Variants in ABL1 observed in about 807,000 individuals in gnomAD.
ABL1 encodes tyrosine-protein kinase ABL1.
A neutral mutation model predicts 94.7 loss-of-function variants in ABL1; 11 were observed. The ratio of observed to expected loss-of-function variants is 0.12; its 90% confidence interval spans 0.07 to 0.19. The LOEUF (loss-of-function observed/expected upper bound fraction) is 0.19. Among genes scored for constraint, ABL1 ranks in the 10% least tolerant of loss-of-function variants. ABL1 has a pLI of 1.00. For missense variants in ABL1, 1,082 were observed against 1,489.4 expected (o/e 0.73, Z 4.50); for synonymous variants, 656 against 622.4 (o/e 1.05, Z -0.80).
rs112010850 is a variant in ABL1, at chr9:130,840,191, T to C, written c.79+4666T>C. 8.3e-4 allele frequency among the ~76,000 whole-genome samples: 127 copies of C among 152,372 alleles called. 1 individual carries two copies. The highest frequency in any genetic ancestry group is 2.7e-3 in the African/African-American group (114 of 41,594). On this transcript the variant is annotated intron_variant, in intron 1 of 10. Coordinates refer to ENST00000318560, the MANE Select transcript of ABL1 (RefSeq NM_005157.6). ...GACAGAATTCAGCCAATCCCACCCA[T>C]AGTTTTTCTTGCTAATAAAGCAGTT... is the stretch of plus-strand genomic sequence containing the variant.
chr9:130,833,867 G>A (rs1460122975), upstream of ABL1, among the ~76,000 whole-genome samples: 1 of 152,168 alleles, frequency 6.6e-6, no homozygotes, highest in Non-Finnish European at 1.5e-5. Context: ...TTACAGGATA[G>A]GCTAGAAAGT....
Position 130,835,270 on chromosome 9 carries a change from C to G in ABL1, c.-177C>G, listed in dbSNP as rs1279871024. 3 of 150,754 alleles carry G rather than the reference C, an allele frequency of 2.0e-5. No individual in the cohort carries two copies. The highest frequency in any genetic ancestry group is 2.8e-5 in the Non-Finnish European group (2 of 70,312). 9.3% of individuals were successfully genotyped at this position (150,754 alleles called of 1,614,324 possible). A position where few individuals can be genotyped will look rare whatever the true frequency, so the allele number is the denominator to read the frequency against. On this transcript the variant is annotated 5_prime_UTR_variant, in exon 1 of 11. Transcript: ENST00000318560. The surrounding 1 kb of genome is among the most constrained non-coding windows in gnomAD (Gnocchi z 4.6). Reference sequence around the variant, plus strand: ...GGGCCCTTTGTTAACAGGCGCGTCCCGGCCAGGCGGAGACGCGGCCGCGGC... The same window carrying G: ...GGGCCCTTTGTTAACAGGCGCGTCCGGGCCAGGCGGAGACGCGGCCGCGGC...
Position 130,885,947 on chromosome 9 carries a change from C to T in ABL1, c.*264C>T, listed in dbSNP as rs922577373. On this transcript the variant is annotated 3_prime_UTR_variant, in exon 11 of 11. Transcript: ENST00000318560. ...GAGTTCCTGCTCCGTGGACTGCAGT[C>T]GGCATGCCAGGACCCGCCAGCCCCG... 1.1e-5 allele frequency: 5 copies of T among 466,022 alleles called. No individual in the cohort carries two copies. The highest frequency in any genetic ancestry group is 7.9e-5 in the Admixed American group (2 of 25,440). The allele number at this position is 466,022 out of a possible 1,614,324, so 28.9% of individuals were successfully genotyped here.
Position 130,887,520 on chromosome 9 carries a change from C to T in ABL1, c.*1837C>T, listed in dbSNP as rs1365726243. On this transcript the variant is annotated 3_prime_UTR_variant, in exon 11 of 11. Transcript: ENST00000318560. ...TCTTTTCTAAGTGGCGTGTGCATAG[C>T]GTCCTGCCCTGCCCCCTCGGGGGCC... is the stretch of plus-strand genomic sequence containing the variant. 1.7e-5 allele frequency: 4 copies of T among 233,144 alleles called. No homozygotes were observed. Among genetic ancestry groups the T allele is most frequent in the Non-Finnish European group, 3.4e-5 (4 of 117,860 alleles). The allele number at this position is 233,144 out of a possible 1,614,324, so 14.4% of individuals were successfully genotyped here.
intron 1 of ABL1, among the ~76,000 whole-genome samples, chr9:130,806,274 T>G (rs1830124288): frequency 6.6e-6 from 1 of 152,186 alleles, no homozygotes; most frequent in Non-Finnish European, 1.5e-5. Flanking sequence ...ATGGATCAGA[T>G]ATAATTTCAA....
chr9:130,756,163 T>C (rs1339822165), intron 1 of ABL1, among the ~76,000 whole-genome samples: 1 of 152,154 alleles, frequency 6.6e-6, no homozygotes, highest in East Asian at 1.9e-4. Flanking sequence ...AATGCTGTGG[T>C]ATTTATACTG....
rs897634409 is a variant in ABL1 at position 130,886,440 on chromosome 9, T to C, written c.*757T>C. Reference sequence around the variant, plus strand: ...CCAGAGCCCAGCTCTTGCTCTCTTGTGACGTGCACTGTGAATCCTGGCAAG... The same window carrying C: ...CCAGAGCCCAGCTCTTGCTCTCTTGCGACGTGCACTGTGAATCCTGGCAAG... On this transcript the variant is annotated 3_prime_UTR_variant, in exon 11 of 11. Coordinates refer to ENST00000318560, the MANE Select transcript of ABL1 (RefSeq NM_005157.6). The C allele has an allele frequency of 3.9e-5, 9 of 233,498 alleles. No individual in the cohort carries two copies. Among genetic ancestry groups the C allele is most frequent in the Non-Finnish European group, 7.6e-5 (9 of 118,062 alleles). 14.5% of individuals were successfully genotyped at this position (233,498 alleles called of 1,614,324 possible).
In ABL1 at chr9:130,872,797, G is replaced by C; in HGVS notation, c.908-63G>C. 1 of 1,517,000 alleles carries C rather than the reference G, an allele frequency of 6.6e-7. No homozygotes were observed. Among genetic ancestry groups the C allele is most frequent in the Non-Finnish European group, 8.9e-7 (1 of 1,118,502 alleles). The allele number at this position is 1,517,000 out of a possible 1,614,324, so 94.0% of individuals were successfully genotyped here. A position where few individuals can be genotyped will look rare whatever the true frequency, so the allele number is the denominator to read the frequency against. On this transcript the variant is annotated intron_variant, in intron 5 of 10. Transcript: ENST00000318560. The surrounding 1 kb of genome is among the most constrained non-coding windows in gnomAD (Gnocchi z 5.0). ...AATCCTTCAGAAGGCTTTTTCTTTA[G>C]ACAGTTGTTTGTTCAGTTGGGAGCG... is the stretch of plus-strand genomic sequence containing the variant.
rs1213864751 is a variant in ABL1 at position 130,862,206 on chromosome 9, G to A, written c.550-557G>A. 6.6e-6 allele frequency among the ~76,000 whole-genome samples: 1 copy of A among 152,192 alleles called. No homozygotes were observed. Among genetic ancestry groups the A allele is most frequent in the East Asian group, 1.9e-4 (1 of 5,198 alleles). On this transcript the variant is annotated intron_variant, in intron 3 of 10. Coordinates refer to ENST00000318560, the MANE Select transcript of ABL1 (RefSeq NM_005157.6). The surrounding 1 kb of genome is among the most constrained non-coding windows in gnomAD (Gnocchi z 5.5). ...CTACCATGTGTTAATTTAATCAACA[G>A]TTATTTATTGAGTACTTATTACATG...
rs116522811 is a variant in ABL1 at position 130,808,170 on chromosome 9, C to T, written c.137-45894C>T. ...ACTTCATTTTTTTAAATCAAATAAG[C>T]ATGTTAACCCGGTATTGCTGTGACA... On this transcript the variant is annotated intron_variant, in intron 1 of 10. Transcript: ENST00000372348. 7.8e-3 allele frequency among the ~76,000 whole-genome samples: 1,180 copies of T among 150,526 alleles called. 16 individuals carry two copies. The highest frequency in any genetic ancestry group is 0.027 in the African/African-American group (1,101 of 41,062).
chr9:130,730,223 G>A (rs971735970), intron 1 of ABL1, among the ~76,000 whole-genome samples: 2 of 150,888 alleles, frequency 1.3e-5, no homozygotes, highest in Non-Finnish European at 3.0e-5. Context: ...TGTGTTTTTA[G>A]TAGAGACGGG....
chr9:130,833,095 G>T (rs1830512778), upstream of ABL1, among the ~76,000 whole-genome samples: 1 of 151,612 alleles, frequency 6.6e-6, no homozygotes, highest in South Asian at 2.1e-4. Context: ...ATAATAATTA[G>T]CTTAAAAAAA....
intron 1 of ABL1, among the ~76,000 whole-genome samples, chr9:130,823,509 T>TG (rs1830389981): frequency 6.6e-6 from 1 of 152,190 alleles, no homozygotes; most frequent in African/African-American, 2.4e-5. Context: ...GTCGCGGTCC[T>TG]GGAGGGGCAC....
chr9:130,854,260 G>T (rs369488715), intron 2 of ABL1, 23 bp downstream of exon 2: 1 of 1,608,176 alleles, frequency 6.2e-7, no homozygotes, highest in African/African-American at 1.3e-5. Flanking sequence ...TGGGCAGCTA[G>T]TGGTGGTTGC....
At chr9:130,727,234 G>GTTT (rs34579847) in intron 1 of ABL1, among the ~76,000 whole-genome samples, 26,945 of 141,602 alleles carry the variant, frequency 0.19, 3,184 homozygotes, top group Middle Eastern at 0.37. Context: ...CTTTGCTGAG[G>GTTT]TTTTTTTTTT....
chr9:130,872,564 G>A lies in ABL1; in HGVS notation c.908-296G>A, dbSNP rs999595878. Among the ~76,000 whole-genome samples the A allele has an allele frequency of 6.6e-6, 1 of 152,186 alleles. No homozygotes were observed. Among genetic ancestry groups the A allele is most frequent in the Admixed American group, 6.5e-5 (1 of 15,282 alleles). On this transcript the variant is annotated intron_variant, in intron 5 of 10. Transcript: ENST00000318560. The surrounding 1 kb of genome is among the most constrained non-coding windows in gnomAD (Gnocchi z 5.0). ...TAACCATCAGACCTAACCATTCAGG[G>A]GTAAACTGACGGTGGTGAAGGTCAT...
At position 130,886,030 on chromosome 9, in the gene ABL1, ACTGT is replaced by A. The variant is rs1380502165; in HGVS notation, c.*350_*353del. ...GGCCAGGTGGGAACGGCTGATGTGG[ACTGT>A]CTTTTTCATTTTTTTCTCTCTGGAG... On this transcript the variant is annotated 3_prime_UTR_variant, in exon 11 of 11. Transcript: ENST00000318560. 2.4e-5 allele frequency: 7 copies of A among 297,540 alleles called. No homozygotes were observed. Among genetic ancestry groups the A allele is most frequent in the Non-Finnish European group, 4.4e-5 (7 of 160,132 alleles). 18.4% of individuals were successfully genotyped at this position (297,540 alleles called of 1,614,324 possible). A position where few individuals can be genotyped will look rare whatever the true frequency, so the allele number is the denominator to read the frequency against.
At chr9:130,805,585 GAAGA>G (rs1830115446) in intron 1 of ABL1, among the ~76,000 whole-genome samples, 1 of 152,218 alleles carries the variant, frequency 6.6e-6, no homozygotes, top group South Asian at 2.1e-4. Context: ...GGAGGGGAAG[GAAGA>G]AAGAAGTGAG....
chr9:130,735,944 TA>T (rs1831731413), intron 1 of ABL1, among the ~76,000 whole-genome samples: 1 of 78,562 alleles, frequency 1.3e-5, no homozygotes, highest in African/African-American at 1.0e-4. Context: ...CATATATATA[TA>T]TATATATATA....
Sources: allele counts gnomAD v4.1 joint callset (sites outside exome capture counted in the v4.1 genomes callset), GRCh38; gene constraint gnomAD v4.1.1; non-coding constraint Gnocchi (gnomAD v3.1); transcripts MANE v1.5; gene names NCBI Gene and HGNC (gene_info 2026-07-23, HGNC 2026-07-21).